Variants in PTPRG observed in about 807,000 individuals in gnomAD.
PTPRG encodes the protein receptor-type tyrosine-protein phosphatase gamma.
Under a neutral mutation model 165.3 loss-of-function variants are expected in PTPRG, and 102 were observed. The ratio of observed to expected loss-of-function variants is 0.62; its 90% CI spans 0.53 to 0.73. The LOEUF is 0.73. PTPRG is among the 30% of genes least tolerant of loss of function. The pLI is 0.00. For missense variants in PTPRG, 1,866 were observed against 1,861.4 expected (o/e 1.00, Z -0.05); for synonymous variants, 675 against 669.5 (o/e 1.01, Z -0.13).
At chr3:61,842,787 G>T (rs1277091119) in intron 2 of PTPRG, among the ~76,000 whole-genome samples, 1 of 152,066 alleles carries the variant, frequency 6.6e-6, no homozygotes, top group South Asian at 2.1e-4. Context: ...AGTTAGATGG[G>T]GATGGCAGAG....
intron 4 of PTPRG, among the ~76,000 whole-genome samples, chr3:62,046,075 T>C (rs749776948): frequency 1.2e-4 from 18 of 152,168 alleles, no homozygotes; most frequent in Non-Finnish European, 2.6e-4. Flanking sequence ...CTCTTGGTTG[T>C]TATGTGAGGG....
intron 3 of PTPRG, among the ~76,000 whole-genome samples, chr3:61,994,746 A>G (rs2040979418): frequency 6.6e-6 from 1 of 152,236 alleles, no homozygotes; most frequent in Non-Finnish European, 1.5e-5. Context: ...AGAGAAAAAT[A>G]AAATCTTAAC....
intron 1 of PTPRG, among the ~76,000 whole-genome samples, chr3:61,706,550 A>G (rs1465076470): frequency 6.6e-6 from 1 of 151,066 alleles, no homozygotes; most frequent in Admixed American, 6.6e-5. Context: ...CTGAAATGCA[A>G]TGGCACAATC....
intron 2 of PTPRG, among the ~76,000 whole-genome samples, chr3:61,815,929 A>G (rs73086071): frequency 0.049 from 7,450 of 152,208 alleles, 242 homozygotes; most frequent in South Asian, 0.18. Context: ...ATTTTAGGCT[A>G]TTTTATTTCC....
chr3:61,726,931 C>A (rs1395420640), intron 1 of PTPRG, among the ~76,000 whole-genome samples: 1 of 151,882 alleles, frequency 6.6e-6, no homozygotes, highest in African/African-American at 2.4e-5. Context: ...TCTGTAGGCC[C>A]AGCTACTCGG....
chr3:62,132,760 G>A, intron 6 of PTPRG, 92 bp downstream of exon 6: 3 of 1,145,996 alleles, frequency 2.6e-6, no homozygotes, highest in East Asian at 2.3e-5. Context: ...AGGACAGAGG[G>A]TGACACCTAT....
intron 2 of PTPRG, among the ~76,000 whole-genome samples, chr3:61,789,744 G>A (rs916373549): frequency 2.0e-5 from 3 of 152,164 alleles, no homozygotes; most frequent in African/African-American, 7.2e-5. Flanking sequence ...TTTGTATATG[G>A]TAATGGAAGT....
intron 2 of PTPRG, among the ~76,000 whole-genome samples, chr3:61,887,140 A>G (rs1452822187): frequency 1.9e-5 from 1 of 52,334 alleles, no homozygotes; most frequent in East Asian, 4.8e-4. Flanking sequence ...ATATATATAT[A>G]TATATATATA....
intron 3 of PTPRG, among the ~76,000 whole-genome samples, chr3:61,998,553 C>T (rs561858797): frequency 6.6e-6 from 1 of 152,302 alleles, no homozygotes; most frequent in African/African-American, 2.4e-5. Context: ...AACTAGGATT[C>T]AAGTTTGGAC....
At chr3:62,239,309 G>A (rs1224701339) in intron 14 of PTPRG, among the ~76,000 whole-genome samples, 3 of 151,204 alleles carry the variant, frequency 2.0e-5, no homozygotes, top group Non-Finnish European at 4.4e-5. Flanking sequence ...AGTGACACAC[G>A]TAAGCACTTC....
intron 2 of PTPRG, among the ~76,000 whole-genome samples, chr3:61,866,717 G>A (rs1193147183): frequency 6.8e-6 from 1 of 146,852 alleles, no homozygotes; most frequent in Non-Finnish European, 1.5e-5. Flanking sequence ...TCCTGCCTCC[G>A]CCTCTGGAGT....
At chr3:61,845,575 T>C (rs557795655) in intron 2 of PTPRG, among the ~76,000 whole-genome samples, 3 of 152,338 alleles carry the variant, frequency 2.0e-5, no homozygotes, top group Non-Finnish European at 1.5e-5. Flanking sequence ...TTACTTGAGT[T>C]AAACCTCTCA....
intron 1 of PTPRG, among the ~76,000 whole-genome samples, chr3:61,702,479 TA>T (rs1462324261): frequency 3.9e-5 from 6 of 152,218 alleles, no homozygotes; most frequent in Non-Finnish European, 8.8e-5. Context: ...AACTTTTCAT[TA>T]AACAATTAAA....
chr3:62,031,320 G>C (rs1324876248), intron 4 of PTPRG, among the ~76,000 whole-genome samples: 1 of 152,152 alleles, frequency 6.6e-6, no homozygotes, highest in Non-Finnish European at 1.5e-5. Flanking sequence ...CTCTGAAACG[G>C]AAAGAATATA....
At chr3:62,281,952 A>C (rs1702467019) in intron 27 of PTPRG, among the ~76,000 whole-genome samples, 1 of 152,034 alleles carries the variant, frequency 6.6e-6, no homozygotes, top group Admixed American at 6.6e-5. Flanking sequence ...ACCTAATTAT[A>C]AAAACAATAT....
chr3:62,064,267 A>G (rs929410025), intron 4 of PTPRG, among the ~76,000 whole-genome samples: 6 of 152,136 alleles, frequency 3.9e-5, no homozygotes, highest in Admixed American at 3.9e-4. Context: ...GTTTTTCCAG[A>G]CGTGAGCCTT....
chr3:61,716,021 C>T (rs1450933068), intron 1 of PTPRG, among the ~76,000 whole-genome samples: 2 of 152,144 alleles, frequency 1.3e-5, no homozygotes, highest in Admixed American at 6.5e-5. Context: ...GAGAGGGTCT[C>T]CTGTGGTGAG....
intron 3 of PTPRG, among the ~76,000 whole-genome samples, chr3:61,993,779 T>C (rs1190501093): frequency 1.3e-5 from 2 of 152,222 alleles, no homozygotes; most frequent in Non-Finnish European, 2.9e-5. Flanking sequence ...AGAGGGAGTA[T>C]TTATTTTTTT....
chr3:61,976,661 G>C (rs181157832), intron 2 of PTPRG, among the ~76,000 whole-genome samples: 10 of 151,932 alleles, frequency 6.6e-5, no homozygotes, highest in African/African-American at 2.4e-4. Context: ...ACATGGAAAA[G>C]ACTGTAGGGT....
Sources: allele counts gnomAD v4.1 joint callset (sites outside exome capture counted in the v4.1 genomes callset), GRCh38; gene constraint gnomAD v4.1.1; transcripts MANE v1.5; gene names NCBI Gene and HGNC (gene_info 2026-07-23, HGNC 2026-07-21).